TPST2: variants seen among roughly 807,000 people sequenced by gnomAD.
The protein encoded by TPST2 is protein-tyrosine sulfotransferase 2.
In TPST2, 16 loss-of-function variants were observed where a neutral mutation model predicts 27.8. The observed-to-expected ratio is 0.58, with a 90% CI of 0.39 to 0.88. The LOEUF (loss-of-function observed/expected upper bound fraction) is 0.88, where lower values mean the gene tolerates loss of function less well. Among genes scored for constraint, TPST2 ranks in the 40% least tolerant of loss-of-function variants. TPST2 has a pLI of 0.00. For missense variants in TPST2, 464 were observed against 543.1 expected, an observed-to-expected ratio of 0.85 and a Z score of 1.45; for synonymous variants, 229 against 231.7, an observed-to-expected ratio of 0.99 and a Z score of 0.10.
In TPST2 at chr22:26,536,489, G is replaced by A. The variant is rs375113479; in HGVS notation, c.843-3C>T. 2.0e-6 allele frequency: 3 copies of A among 1,516,226 alleles called. No homozygotes were observed. The African/African-American group carries it at 4.2e-5, about 21-fold the overall frequency. The allele number at this position is 1,516,226 out of a possible 1,614,324, so 93.9% of individuals were successfully genotyped here. A position where few individuals can be genotyped will look rare whatever the true frequency, so the allele number is the denominator to read the frequency against. On this transcript the variant is annotated splice_region_variant and splice_polypyrimidine_tract_variant and intron_variant, in intron 3 of 6. Coordinates refer to ENST00000338754, the MANE Select transcript of TPST2 (RefSeq NM_003595.5). The stretch of plus-strand genomic sequence containing the variant: ...CCTGGTCCGTGGACCGCTCGATCCT[G>A]GGGAGAGAGGAGACGCTGGAGAGGG...
At chr22:26,551,872 CTTTTCTTTTTCTTTTTTTTTTTTT>C (rs1926490879) in intron 1 of TPST2, among the ~76,000 whole-genome samples, 1 of 120,064 alleles carries the variant, frequency 8.3e-6, no homozygotes, top group African/African-American at 3.1e-5. Context: ...TTTTCCTTTT[CTTTTCTTTTTCTTTTTTTTTTTTT>C]TTTTTTTTTT....
intron 1 of TPST2, among the ~76,000 whole-genome samples, chr22:26,558,631 C>T (rs1416638730): frequency 3.3e-5 from 5 of 152,004 alleles, no homozygotes; most frequent in Admixed American, 6.6e-5. Flanking sequence ...TGGTCTCAGC[C>T]GTCAGATGGG....
intron 1 of TPST2, among the ~76,000 whole-genome samples, chr22:26,566,378 C>T (rs1292940904): frequency 1.3e-5 from 2 of 152,000 alleles, no homozygotes; most frequent in Non-Finnish European, 2.9e-5. Flanking sequence ...TAGTGAAACC[C>T]CGTCTCTATT....
intron 1 of TPST2, among the ~76,000 whole-genome samples, chr22:26,558,780 C>A (rs1055383474): frequency 2.6e-5 from 4 of 151,960 alleles, no homozygotes; most frequent in Non-Finnish European, 4.4e-5. Context: ...CAAGGGGGTG[C>A]CAAAAAACTC....
intron 3 of TPST2, among the ~76,000 whole-genome samples, chr22:26,539,588 T>C (rs1925676456): frequency 6.7e-6 from 1 of 148,798 alleles, no homozygotes; most frequent in Admixed American, 6.7e-5. Context: ...CATACTGAGA[T>C]CTCATCTCTA....
rs1336480556 is a variant in TPST2 at position 26,523,924 on chromosome 22, C to CT, written c.*2350_*2351insA. 1 of 152,154 alleles carries CT rather than the reference C, an allele frequency of 6.6e-6. No individual in the cohort carries two copies. Among genetic ancestry groups the CT allele is most frequent in the African/African-American group, 2.4e-5 (1 of 41,442 alleles). The allele number at this position is 152,154 out of a possible 1,614,324, so 9.4% of individuals were successfully genotyped here. On this transcript the variant is annotated 3_prime_UTR_variant, in exon 7 of 7. Coordinates refer to ENST00000338754, the MANE Select transcript of TPST2 (RefSeq NM_003595.5). The stretch of plus-strand genomic sequence containing the variant: ...GTGTTTTCCCAGGAAGTTCTCTGAA[C>CT]ATCCAGGGTCTTCACAGATGGACTT...
chr22:26,541,688 C>A lies in TPST2; in HGVS notation c.-58G>T, dbSNP rs1925851976. The A allele has an allele frequency of 7.4e-6, 11 of 1,495,666 alleles. No homozygotes were observed. The highest frequency in any genetic ancestry group is 2.2e-5 in the Admixed American group (1 of 44,764). 92.6% of individuals were successfully genotyped at this position (1,495,666 alleles called of 1,614,324 possible). A position where few individuals can be genotyped will look rare whatever the true frequency, so the allele number is the denominator to read the frequency against. ...GGGCCCGCTTCTGGGGCTTCAGCGA[C>A]AGGTTAGCGGGCAGCCCGCCAGGCT... On this transcript the variant is annotated 5_prime_UTR_variant, in exon 3 of 7. Transcript: ENST00000338754. This position sits in a 1 kb window ranked among gnomAD's most constrained non-coding sequence, Gnocchi z 5.9.
chr22:26,583,946 T>A (rs1928233029), intron 1 of TPST2, among the ~76,000 whole-genome samples: 1 of 152,042 alleles, frequency 6.6e-6, no homozygotes, highest in Non-Finnish European at 1.5e-5. Flanking sequence ...TACGTGACAA[T>A]GGGGAGTAGG....
chr22:26,583,805 A>C (rs563667667), intron 1 of TPST2, among the ~76,000 whole-genome samples: 89 of 152,172 alleles, frequency 5.8e-4, no homozygotes, highest in African/African-American at 2.1e-3. Flanking sequence ...ATGCCATTGC[A>C]CTCCAGCCTG....
chr22:26,573,661 A>C (rs1057425467), intron 1 of TPST2, among the ~76,000 whole-genome samples: 1 of 152,252 alleles, frequency 6.6e-6, no homozygotes, highest in Non-Finnish European at 1.5e-5. Flanking sequence ...TGCTGGATGT[A>C]ATGTTCCTCA....
chr22:26,588,874 G>A (rs142994239), intron 1 of TPST2, among the ~76,000 whole-genome samples: 1 of 152,292 alleles, frequency 6.6e-6, no homozygotes, highest in Non-Finnish European at 1.5e-5. Flanking sequence ...CTAGGGAGAG[G>A]TGTCCACCCA....
At position 26,541,174 on chromosome 22, in the gene TPST2, G is replaced by A. The variant is rs1409698795; in HGVS notation, c.457C>T (p.Arg153Cys). 2.5e-6 allele frequency: 4 copies of A among 1,599,328 alleles called. No individual in the cohort carries two copies. The highest frequency in any genetic ancestry group is 2.2e-5 in the East Asian group (1 of 44,652). The change falls in exon 3 of 7, where the codon CGC (arginine) becomes TGC (cysteine). Residue 153 changes from arginine to cysteine, a missense_variant. Arg to Cys is a radical substitution (Grantham distance 180). Transcript: ENST00000338754. This position sits in a 1 kb window ranked among gnomAD's most constrained non-coding sequence, Gnocchi z 5.9. ...EVIAKHGEPA[R>C]VLCNKDPFTL... Reference sequence around the variant, plus strand: ...AATGGGTCCTTGTTGCAGAGCACGCGGGCCGGCTCTCCGTGCTTGGCAATC... The same window carrying A: ...AATGGGTCCTTGTTGCAGAGCACGCAGGCCGGCTCTCCGTGCTTGGCAATC...
At position 26,540,880 on chromosome 22, in the gene TPST2, G is replaced by A. The variant is rs767124818; in HGVS notation, c.751C>T (p.Leu251Phe). The change falls in exon 3 of 7, where the codon CTC (leucine) becomes TTC (phenylalanine). Residue 251 changes from leucine (L) to phenylalanine (F), a missense_variant. Leu to Phe is a conservative substitution (Grantham distance 22). Coordinates refer to ENST00000338754, the MANE Select transcript of TPST2 (RefSeq NM_003595.5). ...GCGATGCCGAGGAAGTCGAGGATGA[G>A]CTTGAGTGAGCGCCTGGGGTGCAGC... ...LVLHPRRSLK[L>F]ILDFLGIAWS... The A allele has an allele frequency of 1.2e-6, 2 of 1,614,172 alleles. No individual in the cohort carries two copies. Among genetic ancestry groups the A allele is most frequent in the South Asian group, 1.1e-5 (1 of 91,086 alleles).
chr22:26,542,710 A>C (rs896277270), intron 2 of TPST2, among the ~76,000 whole-genome samples: 2 of 152,184 alleles, frequency 1.3e-5, no homozygotes, highest in Admixed American at 1.3e-4. Flanking sequence ...TGGAGAAGGG[A>C]AACAAGGATG....
chr22:26,555,944 CA>C (rs1926772416), intron 1 of TPST2, among the ~76,000 whole-genome samples: 2 of 152,338 alleles, frequency 1.3e-5, no homozygotes, highest in East Asian at 3.9e-4. Flanking sequence ...CATGAGGACT[CA>C]AACCCAGGTC....
intron 1 of TPST2, among the ~76,000 whole-genome samples, chr22:26,556,923 T>C (rs986612181): frequency 6.6e-6 from 1 of 152,156 alleles, no homozygotes; most frequent in Non-Finnish European, 1.5e-5. Context: ...GATTTTATTT[T>C]AAGAAGTAAA....
intron 1 of TPST2, among the ~76,000 whole-genome samples, chr22:26,571,304 G>A (rs1927615309): frequency 6.6e-6 from 1 of 152,048 alleles, no homozygotes; most frequent in Non-Finnish European, 1.5e-5. Flanking sequence ...ACATCCACTT[G>A]GCTCACTCTC....
rs66845265 is a variant in TPST2 at position 26,522,237 on chromosome 22, CCA to C, written c.*4036_*4037del. 0.13 allele frequency: 19,694 copies of C among 152,100 alleles called. 1,350 individuals are homozygous for C. Among genetic ancestry groups the C allele is most frequent in the East Asian group, 0.21 (1,078 of 5,166 alleles). 9.4% of individuals were successfully genotyped at this position (152,100 alleles called of 1,614,324 possible). ...GGCTCAGAGAAGGGGAGTCACTTGGCCACAGTCGCACAGTTGGAAAGTGGTAG... is the reference window on the plus strand; with the variant it reads ...GGCTCAGAGAAGGGGAGTCACTTGGCCAGTCGCACAGTTGGAAAGTGGTAG... On this transcript the variant is annotated 3_prime_UTR_variant, in exon 7 of 7. Coordinates refer to ENST00000338754, the MANE Select transcript of TPST2 (RefSeq NM_003595.5).
Position 26,541,115 on chromosome 22 carries a change from C to T in TPST2, c.516G>A (p.Leu172=), listed in dbSNP as rs752609892. 4.2e-5 allele frequency: 67 copies of T among 1,607,320 alleles called. No homozygotes were observed. In the South Asian group the frequency reaches 6.2e-4, roughly 15 times the overall value. ...TCAGCAGGAACTTGGAGTTGGGGAACAGGCGCGACAGGTAGACCGAGGACT... is the reference window on the plus strand; with the variant it reads ...TCAGCAGGAACTTGGAGTTGGGGAATAGGCGCGACAGGTAGACCGAGGACT... ...TLKSSVYLSR[L]FPNSKFLLMV... is the part of the protein sequence containing the mutation. Residue 172 remains leucine (L), a synonymous_variant, in exon 3 of 7, where the codon CTG becomes CTA. Coordinates refer to ENST00000338754, the MANE Select transcript of TPST2 (RefSeq NM_003595.5). The surrounding 1 kb of genome is among the most constrained non-coding windows in gnomAD (Gnocchi z 5.9).
Sources: allele counts gnomAD v4.1 joint callset (sites outside exome capture counted in the v4.1 genomes callset), GRCh38; gene constraint gnomAD v4.1.1; non-coding constraint Gnocchi (gnomAD v3.1); transcripts MANE v1.5; gene names NCBI Gene and HGNC (gene_info 2026-07-23, HGNC 2026-07-21).